RUNX1: variants seen among roughly 807,000 people sequenced by gnomAD.
RUNX1 encodes the protein RUNX family transcription factor 1.
Under a neutral mutation model 42.8 loss-of-function variants are expected in RUNX1, and 19 were observed. The observed-to-expected ratio is 0.44, with a 90% CI of 0.31 to 0.65. RUNX1 has a LOEUF of 0.65. Among genes scored for constraint, RUNX1 ranks in the 30% least tolerant of loss-of-function variants. RUNX1 has a pLI of 0.07. For synonymous variants in RUNX1, 271 were observed against 289.4 expected, an observed-to-expected ratio of 0.94 and a Z score of 0.64; for missense variants, 528 against 672.0, an observed-to-expected ratio of 0.79 and a Z score of 2.37.
chr21:34,896,041 A>G (rs2058127453), intron 2 of RUNX1, among the ~76,000 whole-genome samples: 2 of 152,074 alleles, frequency 1.3e-5, no homozygotes, highest in African/African-American at 4.8e-5. Flanking sequence ...TCTGTCCTTT[A>G]ATAGTAGTAG....
intron 2 of RUNX1, among the ~76,000 whole-genome samples, chr21:34,965,989 G>A (rs574656260): frequency 7.2e-5 from 11 of 152,316 alleles, no homozygotes; most frequent in African/African-American, 2.2e-4. Context: ...ATCCCAGGGC[G>A]GTCTCGATGG....
intron 7 of RUNX1, among the ~76,000 whole-genome samples, chr21:34,832,550 T>G (rs993715880): frequency 6.6e-6 from 1 of 152,170 alleles, no homozygotes; most frequent in Admixed American, 6.5e-5. Context: ...CAGTCTTCCT[T>G]TTGATTTTAC....
At chr21:34,889,276 C>T (rs922927925) in intron 3 of RUNX1, among the ~76,000 whole-genome samples, 1 of 152,154 alleles carries the variant, frequency 6.6e-6, no homozygotes, top group African/African-American at 2.4e-5. Context: ...CCTGCACCGT[C>T]CGGCTGGCAG....
chr21:34,846,029 G>A (rs2146144753), intron 6 of RUNX1, among the ~76,000 whole-genome samples: 1 of 152,198 alleles, frequency 6.6e-6, no homozygotes, highest in East Asian at 1.9e-4. Flanking sequence ...GCAGAGGAGG[G>A]AGGCGGCCCC....
chr21:34,899,186 T>C (rs989733797), intron 2 of RUNX1, among the ~76,000 whole-genome samples: 2 of 152,202 alleles, frequency 1.3e-5, no homozygotes, highest in Non-Finnish European at 2.9e-5. Flanking sequence ...AGTGTTGAGA[T>C]TACAGGTGTG....
chr21:34,880,754 T>C (rs2146364926), intron 4 of RUNX1, 41 bp from the exon 5 acceptor site: 1 of 1,603,350 alleles, frequency 6.2e-7, no homozygotes, highest in African/African-American at 1.3e-5. Context: ...ATCAGGGATG[T>C]TATACATACA....
intron 5 of RUNX1, among the ~76,000 whole-genome samples, chr21:34,866,400 G>T (rs989075422): frequency 6.6e-6 from 1 of 152,216 alleles, no homozygotes; most frequent in African/African-American, 2.4e-5. Flanking sequence ...ACAAGATCCT[G>T]AAAGGTTGCA....
At chr21:35,010,299 T>C (rs2059116418) in intron 2 of RUNX1, among the ~76,000 whole-genome samples, 1 of 152,180 alleles carries the variant, frequency 6.6e-6, no homozygotes, top group African/African-American at 2.4e-5. Context: ...TTTGGGGTAG[T>C]AACAACAACT....
intron 2 of RUNX1, chr21:35,038,563 G>T (rs2059327826): frequency 2.3e-6 from 1 of 442,942 alleles, no homozygotes; most frequent in Non-Finnish European, 4.4e-6. Flanking sequence ...TGGGAATTTT[G>T]AATGCTGGCC....
At chr21:34,917,658 T>A (rs552746983) in intron 2 of RUNX1, among the ~76,000 whole-genome samples, 181 of 151,996 alleles carry the variant, frequency 1.2e-3, no homozygotes, top group Middle Eastern at 3.4e-3. Flanking sequence ...GTCAGACACA[T>A]AAAGAAAGCA....
chr21:35,023,949 ATATT>A (rs1337485677), intron 2 of RUNX1, among the ~76,000 whole-genome samples: 8 of 149,510 alleles, frequency 5.4e-5, no homozygotes, highest in Non-Finnish European at 8.9e-5. Context: ...ATATTTTACT[ATATT>A]TATATAGTTT....
At chr21:34,797,141 A>G (rs1273966384) in intron 8 of RUNX1, among the ~76,000 whole-genome samples, 1 of 152,222 alleles carries the variant, frequency 6.6e-6, no homozygotes. Context: ...AGTTCTGCCA[A>G]ATTGAAGAGC....
intron 2 of RUNX1, among the ~76,000 whole-genome samples, chr21:34,941,686 T>C (rs2058527812): frequency 6.6e-6 from 1 of 152,240 alleles, no homozygotes; most frequent in African/African-American, 2.4e-5. Flanking sequence ...ACCTCCATTC[T>C]TTTTGAAGGT....
chr21:35,028,230 C>T (rs138464871), intron 2 of RUNX1, among the ~76,000 whole-genome samples: 128 of 152,268 alleles, frequency 8.4e-4, no homozygotes, highest in African/African-American at 3.0e-3. Context: ...ATTCTTGGGC[C>T]TCTCTGCCTC....
chr21:34,951,250 CCT>C (rs1323817429), intron 2 of RUNX1, among the ~76,000 whole-genome samples: 3 of 152,160 alleles, frequency 2.0e-5, no homozygotes, highest in African/African-American at 7.2e-5. Flanking sequence ...CAAAGTGGCC[CCT>C]GTCACTCAAA....
intron 5 of RUNX1, among the ~76,000 whole-genome samples, chr21:34,875,977 C>T (rs563837892): frequency 2.6e-5 from 4 of 152,342 alleles, no homozygotes; most frequent in Non-Finnish European, 5.9e-5. Flanking sequence ...AAGATATTCA[C>T]AGCAAGAACA....
Position 34,799,419 on chromosome 21 carries a change from C to G in RUNX1, c.849G>C (p.Gln283His), listed in dbSNP as rs1056623039. The G allele has an allele frequency of 2.5e-6, 4 of 1,614,170 alleles. No homozygotes were observed. The highest frequency in any genetic ancestry group is 2.5e-6 in the Non-Finnish European group (3 of 1,180,020). Residue 283 changes from glutamine to histidine, a missense_variant, in exon 8 of 9, where the codon CAG becomes CAC. Physicochemically the swap from Gln to His is conservative, Grantham distance 24. Coordinates refer to ENST00000675419, the MANE Select transcript of RUNX1 (RefSeq NM_001754.5). ...CAATGGATCCCAGGTATTGGTAGGA[C>G]TGATCGTAGGACCACGGTGGGGATG... Reference protein sequence around the residue: ...IQPSPPWSYDQSYQYLGSIAS... With the variant: ...IQPSPPWSYDHSYQYLGSIAS...
chr21:34,810,699 C>T (rs936580542), intron 7 of RUNX1, among the ~76,000 whole-genome samples: 1 of 152,130 alleles, frequency 6.6e-6, no homozygotes, highest in African/African-American at 2.4e-5. Flanking sequence ...CCTTAGATTC[C>T]TGGGAGGGTG....
At chr21:34,839,171 C>T (rs2057192640) in intron 6 of RUNX1, among the ~76,000 whole-genome samples, 1 of 152,128 alleles carries the variant, frequency 6.6e-6, no homozygotes, top group Non-Finnish European at 1.5e-5. Context: ...GAGGTTATGT[C>T]ATTTGCCCAA....
Sources: allele counts gnomAD v4.1 joint callset (sites outside exome capture counted in the v4.1 genomes callset), GRCh38; gene constraint gnomAD v4.1.1; transcripts MANE v1.5; gene names NCBI Gene and HGNC (gene_info 2026-07-23, HGNC 2026-07-21).